SYCP1: variants seen among roughly 807,000 people sequenced by gnomAD.
SYCP1 encodes synaptonemal complex protein 1.
In SYCP1, 64 loss-of-function variants were observed where a neutral mutation model predicts 153.1. The observed-to-expected ratio is 0.42, with a 90% CI of 0.34 to 0.51. The LOEUF is 0.51. Ranked by LOEUF, SYCP1 falls within the 20% of genes least tolerant of loss-of-function variation. The pLI, the probability that SYCP1 is intolerant of heterozygous loss-of-function variation, is 0.06. For missense variants in SYCP1, 997 were observed against 1,049.0 expected, an observed-to-expected ratio of 0.95 and a Z score of 0.68; for synonymous variants, 384 against 341.8, an observed-to-expected ratio of 1.12 and a Z score of -1.36.
intron 15 of SYCP1, among the ~76,000 whole-genome samples, chr1:114,894,128 C>T (rs2101590653): frequency 6.6e-6 from 1 of 151,974 alleles, no homozygotes; most frequent in African/African-American, 2.4e-5. Flanking sequence ...AGTCCACTGT[C>T]TTTAATCAAT....
At chr1:114,952,646 G>C (rs539725438) in intron 27 of SYCP1, among the ~76,000 whole-genome samples, 10 of 152,284 alleles carry the variant, frequency 6.6e-5, no homozygotes, top group Admixed American at 2.6e-4. Flanking sequence ...AGAACTCACT[G>C]TCACGAGAAC....
At chr1:114,859,467 AC>A (rs1386289366) in intron 6 of SYCP1, among the ~76,000 whole-genome samples, 1 of 152,258 alleles carries the variant, frequency 6.6e-6, no homozygotes, top group Non-Finnish European at 1.5e-5. Flanking sequence ...AAAGAAAAAA[AC>A]ATTACTTCAA....
rs371645209 is a variant in SYCP1, at chr1:114,977,596, C to A, written c.2362C>A (p.Leu788Ile). 1.3e-6 allele frequency: 2 copies of A among 1,501,152 alleles called. No homozygotes were observed. The highest frequency in any genetic ancestry group is 1.4e-5 in the African/African-American group (1 of 69,612). 93.0% of individuals were successfully genotyped at this position (1,501,152 alleles called of 1,614,324 possible). A position where few individuals can be genotyped will look rare whatever the true frequency, so the allele number is the denominator to read the frequency against. Reference protein sequence around the residue: ...KREAKENTATLKEKKDKKTQT... With the variant: ...KREAKENTATIKEKKDKKTQT... ...AGAGGCAAAAGAAAACACAGCTACT[C>A]TTAAAGAAAAAAAAGACAAGGTAAG... Residue 788 changes from leucine to isoleucine, a missense_variant, in exon 28 of 32, where the codon CTT becomes ATT. By Grantham distance (5) the Leu-to-Ile change is conservative. Transcript: ENST00000369522.
Position 114,977,621 on chromosome 1 carries a change from G to A in SYCP1, c.2382+5G>A, listed in dbSNP as rs189316789. On this transcript the variant is annotated splice_donor_5th_base_variant and intron_variant, in intron 28 of 31. Coordinates refer to ENST00000369522, the MANE Select transcript of SYCP1 (RefSeq NM_003176.4). ...CTTAAAGAAAAAAAAGACAAGGTAA[G>A]AGCATATAATTCTCATAGTTTTAAA... 4.2e-5 allele frequency: 62 copies of A among 1,488,714 alleles called. No individual in the cohort carries two copies. The highest frequency in any genetic ancestry group is 2.0e-4 in the South Asian group (15 of 74,550). 92.2% of individuals were successfully genotyped at this position (1,488,714 alleles called of 1,614,324 possible). A position where few individuals can be genotyped will look rare whatever the true frequency, so the allele number is the denominator to read the frequency against.
chr1:114,893,395 ATCTC>A lies in SYCP1; in HGVS notation c.1259-2049_1259-2046del, dbSNP rs752687747. On this transcript the variant is annotated intron_variant, in intron 15 of 31. Coordinates refer to ENST00000369522, the MANE Select transcript of SYCP1 (RefSeq NM_003176.4). The stretch of plus-strand genomic sequence containing the variant: ...CTCTATCTATCTCATCTCTATCTCT[ATCTC>A]TCTATCTAAATTTGTTTCTCCCTTG... Among the ~76,000 whole-genome samples the A allele has an allele frequency of 7.5e-4, 114 of 151,288 alleles. 1 individual carries two copies. Among genetic ancestry groups the A allele is most frequent in the Non-Finnish European group, 8.4e-4 (57 of 67,846 alleles).
chr1:114,861,773 A>C (rs1242404631), intron 8 of SYCP1, among the ~76,000 whole-genome samples: 2 of 151,614 alleles, frequency 1.3e-5, no homozygotes, highest in Admixed American at 1.3e-4. Context: ...CGTTATTTCT[A>C]ACATTGACTG....
chr1:114,923,393 A>G, intron 20 of SYCP1, 56 bp from the exon 21 acceptor site: 9 of 1,462,948 alleles, frequency 6.2e-6, no homozygotes, highest in Non-Finnish European at 9.1e-7. Flanking sequence ...GTTATTTGAG[A>G]TCTTCTATAG....
At chr1:114,935,609 C>T (rs1353466755) in intron 23 of SYCP1, among the ~76,000 whole-genome samples, 3 of 152,144 alleles carry the variant, frequency 2.0e-5, no homozygotes, top group Non-Finnish European at 4.4e-5. Context: ...ATCAATGAAT[C>T]CAGGAGCTGG....
chr1:114,865,281 T>A (rs1208326189), intron 8 of SYCP1, among the ~76,000 whole-genome samples: 1 of 152,176 alleles, frequency 6.6e-6, no homozygotes, highest in Non-Finnish European at 1.5e-5. Flanking sequence ...TCTTAGATAA[T>A]AATTAATAAT....
At position 114,855,489 on chromosome 1, in the gene SYCP1, T is replaced by C. The variant is rs765486866; in HGVS notation, c.25T>C (p.Leu9=). ...AATGGAAAAGCAAAAGCCCTTTGCA[T>C]TGTTCGTACCACCGAGATCAAGCAG... MEKQKPFA[L]FVPPRSSSSQ... The change falls in exon 2 of 32, where the codon TTG becomes CTG. Residue 9 remains leucine, a synonymous_variant. Transcript: ENST00000369522. The C allele has an allele frequency of 1.1e-5, 17 of 1,609,572 alleles. No individual in the cohort carries two copies. The South Asian group carries it at 1.9e-4, about 18-fold the overall frequency.
At chr1:114,982,416 T>G (rs534881296) in intron 29 of SYCP1, among the ~76,000 whole-genome samples, 82 of 152,002 alleles carry the variant, frequency 5.4e-4, no homozygotes, top group African/African-American at 1.7e-3. Context: ...TTTGTTTTTC[T>G]TCATTTTTTT....
At chr1:114,909,224 C>T (rs942994785) in intron 16 of SYCP1, among the ~76,000 whole-genome samples, 4 of 151,966 alleles carry the variant, frequency 2.6e-5, no homozygotes, top group Middle Eastern at 3.4e-3. Context: ...GTTGTGGGTC[C>T]CAGGGCTCCT....
At chr1:114,987,321 G>T (rs1673582470) in intron 30 of SYCP1, among the ~76,000 whole-genome samples, 1 of 151,850 alleles carries the variant, frequency 6.6e-6, no homozygotes, top group Admixed American at 6.6e-5. Flanking sequence ...CCGGGGAAGA[G>T]GGAAAATCTT....
At chr1:114,989,332 T>G (rs1025032939) in intron 30 of SYCP1, among the ~76,000 whole-genome samples, 4 of 151,912 alleles carry the variant, frequency 2.6e-5, no homozygotes, top group Non-Finnish European at 5.9e-5. Context: ...GTAACTACAA[T>G]GAAATTATAT....
chr1:114,935,838 C>A (rs1310414844), intron 23 of SYCP1, among the ~76,000 whole-genome samples: 1 of 152,140 alleles, frequency 6.6e-6, no homozygotes, highest in African/African-American at 2.4e-5. Flanking sequence ...CATACACCCT[C>A]CTAAGACTAA....
chr1:114,896,848 G>T (rs1180907927), intron 16 of SYCP1, among the ~76,000 whole-genome samples: 1 of 152,206 alleles, frequency 6.6e-6, no homozygotes, highest in Non-Finnish European at 1.5e-5. Context: ...GAAAGATTAG[G>T]CTCGCAGACA....
chr1:114,948,365 G>A (rs1198940869), intron 27 of SYCP1, among the ~76,000 whole-genome samples: 2 of 152,036 alleles, frequency 1.3e-5, no homozygotes, highest in Non-Finnish European at 2.9e-5. Flanking sequence ...ATTTATTCAG[G>A]ATTACGTAGT....
intron 19 of SYCP1, 53 bp from the exon 20 acceptor site, chr1:114,913,922 A>G (rs1406097713): frequency 1.5e-6 from 2 of 1,338,918 alleles, no homozygotes; most frequent in East Asian, 2.7e-5. Context: ...AGTAGTTTAA[A>G]TTTTATTTTT....
rs1320249636 is a variant in SYCP1, at chr1:114,964,156, C to A, written c.2323-13401C>A. ...TGAGCTTTTTTTTCATGTTTGTTGG[C>A]TGCAAAAATGTCTTCTTTTGAGAAG... On this transcript the variant is annotated intron_variant, in intron 27 of 31. Coordinates refer to ENST00000369522, the MANE Select transcript of SYCP1 (RefSeq NM_003176.4). Among the ~76,000 whole-genome samples the A allele has an allele frequency of 3.3e-5, 5 of 152,052 alleles. No homozygotes were observed. In the South Asian group the frequency reaches 1.0e-3, roughly 31 times the overall value.
Sources: gnomAD v4.1 joint callset for allele counts (sites outside exome capture counted in the v4.1 genomes callset) on GRCh38, gnomAD v4.1.1 for gene constraint, MANE v1.5 for transcripts, NCBI Gene and HGNC (gene_info 2026-07-23, HGNC 2026-07-21) for gene names.